The following HTR7 variants were observed in gnomAD, a reference collection of about 807,000 sequenced individuals.
HTR7 encodes the protein 5-HT-7.
Under a neutral mutation model 34.0 loss-of-function variants are expected in HTR7, and 16 were observed. The ratio of observed to expected loss-of-function variants is 0.47; its 90% CI spans 0.32 to 0.71. The LOEUF (loss-of-function observed/expected upper bound fraction) is 0.71, where lower values mean the gene tolerates loss of function less well. Among genes scored for constraint, HTR7 ranks in the 30% least tolerant of loss-of-function variants. The pLI, the probability that HTR7 is intolerant of heterozygous loss-of-function variation, is 0.04. For missense variants in HTR7, 504 were observed against 625.5 expected (o/e 0.81, Z 2.07); for synonymous variants, 265 against 260.2 (o/e 1.02, Z -0.18).
intron 1 of HTR7, among the ~76,000 whole-genome samples, chr10:90,810,829 A>G (rs1175127770): frequency 6.6e-6 from 1 of 152,074 alleles, no homozygotes; most frequent in Non-Finnish European, 1.5e-5. Flanking sequence ...GTCAAGCCCA[A>G]ATTTCTTCCT....
At chr10:90,783,506 C>G (rs1476120949) in intron 1 of HTR7, among the ~76,000 whole-genome samples, 1 of 152,124 alleles carries the variant, frequency 6.6e-6, no homozygotes, top group African/African-American at 2.4e-5. Flanking sequence ...CTCTTGGGCC[C>G]CTTGCTTTCT....
intron 1 of HTR7, among the ~76,000 whole-genome samples, chr10:90,766,647 T>A (rs1845029553): frequency 6.6e-6 from 1 of 152,222 alleles, no homozygotes; most frequent in African/African-American, 2.4e-5. Context: ...ACCTGAAGAT[T>A]TTTTGTAGTG....
intron 1 of HTR7, among the ~76,000 whole-genome samples, chr10:90,836,095 G>A (rs541156042): frequency 8.3e-4 from 126 of 152,216 alleles, no homozygotes; most frequent in African/African-American, 2.5e-3. Context: ...CCACCTCAGC[G>A]TGAATGAATT....
intron 1 of HTR7, among the ~76,000 whole-genome samples, chr10:90,780,254 G>A (rs752431855): frequency 1.6e-4 from 24 of 151,998 alleles, no homozygotes; most frequent in Non-Finnish European, 2.5e-4. Context: ...AATAAAATTC[G>A]GCCGGGCGCG....
rs374073750 is a variant in HTR7 at position 90,742,413 on chromosome 10, T to A, written c.*69A>T. The A allele has an allele frequency of 6.6e-6, 8 of 1,209,032 alleles. No homozygotes were observed. The highest frequency in any genetic ancestry group is 9.6e-6 in the Non-Finnish European group (8 of 831,552). 74.9% of individuals were successfully genotyped at this position (1,209,032 alleles called of 1,614,324 possible). ...AGAAGCTGCATTCCATTCTGCAGAC[T>A]CAGCAAATGACTTCCTTCTGTTTCC... is the stretch of plus-strand genomic sequence containing the variant. On this transcript the variant is annotated 3_prime_UTR_variant, in exon 4 of 4. Coordinates refer to ENST00000336152, the MANE Select transcript of HTR7 (RefSeq NM_019859.4).
At chr10:90,761,654 G>A (rs1445963938) in intron 1 of HTR7, among the ~76,000 whole-genome samples, 1 of 151,878 alleles carries the variant, frequency 6.6e-6, no homozygotes, top group Non-Finnish European at 1.5e-5. Flanking sequence ...GTGTGTGTGT[G>A]TGTGTGTGTG....
rs1349439874 is a variant in HTR7, at chr10:90,749,107, A to G, written c.1027T>C (p.Phe343Leu). ...VGAFTVCWLP[F>L]FLLSTARPFI... ...GGTCTGGCTGTCGAGAGGAGGAAAAATGGCAGCCAGCACACGGTAAAGGCC... is the reference window on the plus strand; with the variant it reads ...GGTCTGGCTGTCGAGAGGAGGAAAAGTGGCAGCCAGCACACGGTAAAGGCC... Residue 343 changes from phenylalanine to leucine, a missense_variant, in exon 2 of 4, where the codon TTT becomes CTT. Transcript: ENST00000336152. The surrounding 1 kb of genome is among the most constrained non-coding windows in gnomAD (Gnocchi z 4.2). 1 of 1,614,184 alleles carries G rather than the reference A, an allele frequency of 6.2e-7. No individual in the cohort carries two copies.
chr10:90,815,499 G>A (rs12765470), intron 1 of HTR7, among the ~76,000 whole-genome samples: 9,313 of 152,210 alleles, frequency 0.061, 383 homozygotes, highest in East Asian at 0.11. Flanking sequence ...AAACAGAAAG[G>A]ATGTAAATGC....
At chr10:90,797,223 C>T (rs1368749715) in intron 1 of HTR7, among the ~76,000 whole-genome samples, 1 of 151,982 alleles carries the variant, frequency 6.6e-6, no homozygotes, top group Non-Finnish European at 1.5e-5. Flanking sequence ...TTATCTTAAA[C>T]ACACTGAGTT....
At chr10:90,833,728 A>G (rs1328683552) in intron 1 of HTR7, among the ~76,000 whole-genome samples, 4 of 152,218 alleles carry the variant, frequency 2.6e-5, no homozygotes, top group African/African-American at 7.2e-5. Context: ...ATTTTAGTGA[A>G]GAGACACAGG....
At chr10:90,827,782 G>A (rs1431497055) in intron 1 of HTR7, among the ~76,000 whole-genome samples, 1 of 152,110 alleles carries the variant, frequency 6.6e-6, no homozygotes, top group Non-Finnish European at 1.5e-5. Flanking sequence ...ATGATAGCAG[G>A]AGACCTCAAC....
At chr10:90,854,350 T>TC in intron 1 of HTR7, among the ~76,000 whole-genome samples, 2 of 151,442 alleles carry the variant, frequency 1.3e-5, no homozygotes, top group Non-Finnish European at 2.9e-5. Context: ...TGAGATTCTG[T>TC]CCCCCTCCAC....
chr10:90,851,536 C>T (rs899722569), intron 1 of HTR7, among the ~76,000 whole-genome samples: 3 of 129,488 alleles, frequency 2.3e-5, no homozygotes, highest in Non-Finnish European at 3.1e-5. Flanking sequence ...GTCCAGGAGG[C>T]GGAGCTTGCA....
intron 1 of HTR7, among the ~76,000 whole-genome samples, chr10:90,791,296 G>A (rs1428385771): frequency 6.6e-6 from 1 of 151,988 alleles, no homozygotes; most frequent in African/African-American, 2.4e-5. Flanking sequence ...GTGTATGTGT[G>A]TATGTACACA....
intron 1 of HTR7, among the ~76,000 whole-genome samples, chr10:90,822,636 G>C (rs1336208203): frequency 1.3e-5 from 2 of 152,232 alleles, no homozygotes; most frequent in Non-Finnish European, 2.9e-5. Context: ...ATTTGCATAA[G>C]TAAAGAAGAG....
intron 1 of HTR7, among the ~76,000 whole-genome samples, chr10:90,833,458 T>C (rs1001843223): frequency 6.6e-6 from 1 of 152,204 alleles, no homozygotes; most frequent in Non-Finnish European, 1.5e-5. Context: ...CCTTTCCTTA[T>C]TTGTAAAAGG....
chr10:90,807,902 T>G (rs1845729153), intron 1 of HTR7, among the ~76,000 whole-genome samples: 1 of 152,136 alleles, frequency 6.6e-6, no homozygotes, highest in Non-Finnish European at 1.5e-5. Flanking sequence ...GGCCTCTTCT[T>G]ACTCTCTTCT....
At chr10:90,837,948 T>G (rs1846276968) in intron 1 of HTR7, among the ~76,000 whole-genome samples, 1 of 152,218 alleles carries the variant, frequency 6.6e-6, no homozygotes, top group South Asian at 2.1e-4. Flanking sequence ...TTAATTTCCA[T>G]GACAGGTGTT....
chr10:90,837,294 G>C (rs1305564518), intron 1 of HTR7, among the ~76,000 whole-genome samples: 1 of 152,184 alleles, frequency 6.6e-6, no homozygotes, highest in African/African-American at 2.4e-5. Context: ...TAAGTATTAG[G>C]AAGTTGAAGT....
Sources: allele counts gnomAD v4.1 joint callset (sites outside exome capture counted in the v4.1 genomes callset), GRCh38; gene constraint gnomAD v4.1.1; non-coding constraint Gnocchi (gnomAD v3.1); transcripts MANE v1.5; gene names NCBI Gene and HGNC (gene_info 2026-07-23, HGNC 2026-07-21).